Variants in GRIN2B observed in about 807,000 individuals in gnomAD.
GRIN2B encodes the protein glutamate receptor ionotropic, NMDA 2B.
GRIN2B carries 5 observed loss-of-function variants against 114.5 expected under a neutral mutation model. The ratio of observed to expected loss-of-function variants is 0.04; its 90% CI spans 0.02 to 0.09. GRIN2B has a LOEUF of 0.09. Among genes scored for constraint, GRIN2B ranks in the 10% least tolerant of loss-of-function variants. The pLI is 1.00. For synonymous variants in GRIN2B, 787 were observed against 745.1 expected (o/e 1.06, Z -0.92); for missense variants, 1,108 against 1,943.5 (o/e 0.57, Z 8.08).
chr12:13,824,846 A>C (rs1392206994), intron 3 of GRIN2B, among the ~76,000 whole-genome samples: 2 of 106,466 alleles, frequency 1.9e-5, no homozygotes, highest in Non-Finnish European at 3.9e-5. Context: ...ACAGAGCGAG[A>C]CTCCATTTCA....
intron 2 of GRIN2B, among the ~76,000 whole-genome samples, chr12:13,912,224 C>A (rs1866637422): frequency 6.6e-6 from 1 of 152,110 alleles, no homozygotes; most frequent in Non-Finnish European, 1.5e-5. Context: ...AATCTAAAAA[C>A]TCTGTGCAGT....
chr12:13,762,799 A>G (rs773047358), intron 3 of GRIN2B, among the ~76,000 whole-genome samples: 1 of 152,238 alleles, frequency 6.6e-6, no homozygotes, highest in African/African-American at 2.4e-5. Flanking sequence ...AATGTGGATC[A>G]GTCATGCTTG....
chr12:13,851,619 C>A (rs902632839), intron 3 of GRIN2B, among the ~76,000 whole-genome samples: 1 of 152,102 alleles, frequency 6.6e-6, no homozygotes, highest in African/African-American at 2.4e-5. Context: ...AATAAAATCT[C>A]CCCTGTTGAT....
rs185256268 is a variant in GRIN2B, at chr12:13,581,803, G to C, written c.2011-9839C>G. Among the ~76,000 whole-genome samples, 399 of 151,956 alleles carry C rather than the reference G, an allele frequency of 2.6e-3. 4 individuals are homozygous for C. Among genetic ancestry groups the C allele is most frequent in the African/African-American group, 9.1e-3 (379 of 41,430 alleles). On this transcript the variant is annotated intron_variant, in intron 10 of 13. Coordinates refer to ENST00000609686, the MANE Select transcript of GRIN2B (RefSeq NM_000834.5). The stretch of plus-strand genomic sequence containing the variant: ...CGCATGCCTGTAGTCCCAGCTACTC[G>C]GGAGGCTGAGGCAGGAGGATTGCTT...
intron 3 of GRIN2B, among the ~76,000 whole-genome samples, chr12:13,863,048 C>T (rs1225987555): frequency 1.3e-5 from 2 of 152,196 alleles, no homozygotes; most frequent in African/African-American, 4.8e-5. Context: ...TGCCCACCTA[C>T]CTCCTTATTT....
intron 3 of GRIN2B, among the ~76,000 whole-genome samples, chr12:13,763,447 G>A (rs981505946): frequency 3.9e-5 from 6 of 152,138 alleles, no homozygotes; most frequent in South Asian, 2.1e-4. Flanking sequence ...CGTGGATGAG[G>A]AGCCTTATTC....
At chr12:13,839,835 T>A (rs1865347796) in intron 3 of GRIN2B, among the ~76,000 whole-genome samples, 1 of 152,194 alleles carries the variant, frequency 6.6e-6, no homozygotes, top group Admixed American at 6.5e-5. Flanking sequence ...GCTTCTTTAG[T>A]GACTCATAAC....
chr12:13,611,040 G>A (rs375365498), intron 9 of GRIN2B, among the ~76,000 whole-genome samples: 216 of 152,238 alleles, frequency 1.4e-3, no homozygotes, highest in African/African-American at 4.9e-3. Flanking sequence ...AGGATCCCAT[G>A]GTCCCCTTTA....
intron 2 of GRIN2B, among the ~76,000 whole-genome samples, chr12:13,925,610 C>T (rs1379236482): frequency 6.6e-6 from 1 of 152,158 alleles, no homozygotes; most frequent in African/African-American, 2.4e-5. Context: ...TCACCTATGG[C>T]ATTAGCCTCA....
chr12:13,579,729 G>T (rs1948821675), intron 10 of GRIN2B, among the ~76,000 whole-genome samples: 1 of 152,224 alleles, frequency 6.6e-6, no homozygotes, highest in African/African-American at 2.4e-5. Flanking sequence ...AAGAGCTGAA[G>T]AGGCCCTGAG....
At chr12:13,743,756 C>T (rs763917403) in intron 4 of GRIN2B, among the ~76,000 whole-genome samples, 3 of 151,120 alleles carry the variant, frequency 2.0e-5, no homozygotes, top group Admixed American at 2.0e-4. Context: ...TTTAGTGAGA[C>T]GATATACAAG....
chr12:13,844,640 C>A (rs939437792), intron 3 of GRIN2B, among the ~76,000 whole-genome samples: 2 of 152,188 alleles, frequency 1.3e-5, no homozygotes, highest in African/African-American at 4.8e-5. Flanking sequence ...AGAAGACCTA[C>A]ATTCTAGTCC....
chr12:13,548,566 T>G lies in GRIN2B; in HGVS notation c.*14217A>C, dbSNP rs1029136624. The G allele has an allele frequency of 6.6e-6, 1 of 151,478 alleles. No homozygotes were observed. Among genetic ancestry groups the G allele is most frequent in the African/African-American group, 2.4e-5 (1 of 41,100 alleles). The allele number at this position is 151,478 out of a possible 1,614,324, so 9.4% of individuals were successfully genotyped here. A position where few individuals can be genotyped will look rare whatever the true frequency, so the allele number is the denominator to read the frequency against. ...AGATGCTCCAAATACTCATCAGCTGTTGGCCCTGTGACCTGTTTTTCAGGA... is the reference window on the plus strand; with the variant it reads ...AGATGCTCCAAATACTCATCAGCTGGTGGCCCTGTGACCTGTTTTTCAGGA... On this transcript the variant is annotated 3_prime_UTR_variant, in exon 14 of 14. Transcript: ENST00000609686.
chr12:13,911,762 C>T (rs573895205), intron 2 of GRIN2B, among the ~76,000 whole-genome samples: 81 of 152,288 alleles, frequency 5.3e-4, no homozygotes, highest in Middle Eastern at 3.4e-3. Flanking sequence ...AGGTGGATGA[C>T]CGCAGACACA....
intron 3 of GRIN2B, among the ~76,000 whole-genome samples, chr12:13,791,789 A>G (rs759391534): frequency 9.2e-5 from 14 of 152,176 alleles, no homozygotes; most frequent in Non-Finnish European, 1.6e-4. Context: ...TTTAATATTT[A>G]TCTCTTCTTT....
At position 13,927,985 on chromosome 12, in the gene GRIN2B, G is replaced by C. The variant is rs1445552277; in HGVS notation, c.-19+51943C>G. Among the ~76,000 whole-genome samples, 5 of 28,592 alleles carry C rather than the reference G, an allele frequency of 1.7e-4. No homozygotes were observed. In the East Asian group the frequency reaches 6.7e-3, roughly 38 times the overall value. 18.8% of individuals were successfully genotyped at this position (28,592 alleles called of 152,430 possible). A position where few individuals can be genotyped will look rare whatever the true frequency, so the allele number is the denominator to read the frequency against. Reference sequence around the variant, plus strand: ...CTGTCTCAAAAAAAAAAAAAAAAGGGGGGGTATGCTGTGGAAAGGATGATA... The same window carrying C: ...CTGTCTCAAAAAAAAAAAAAAAAGGCGGGGTATGCTGTGGAAAGGATGATA... On this transcript the variant is annotated intron_variant, in intron 2 of 13. Transcript: ENST00000609686.
chr12:13,898,032 G>T (rs1455756396), intron 2 of GRIN2B, among the ~76,000 whole-genome samples: 1 of 137,312 alleles, frequency 7.3e-6, no homozygotes. Context: ...AAATAAAAAA[G>T]AAAGGGCTAC....
At chr12:13,926,252 G>A (rs1866908692) in intron 2 of GRIN2B, among the ~76,000 whole-genome samples, 1 of 152,154 alleles carries the variant, frequency 6.6e-6, no homozygotes. Flanking sequence ...TCCAGCTTCA[G>A]CAACACACAC....
intron 3 of GRIN2B, among the ~76,000 whole-genome samples, chr12:13,848,044 C>G (rs1379557096): frequency 1.3e-5 from 2 of 152,168 alleles, no homozygotes; most frequent in East Asian, 3.8e-4. Flanking sequence ...TGACACCCTC[C>G]TCAAGCAGCT....
Sources: gnomAD v4.1 joint callset for allele counts (sites outside exome capture counted in the v4.1 genomes callset) on GRCh38, gnomAD v4.1.1 for gene constraint, MANE v1.5 for transcripts, NCBI Gene and HGNC (gene_info 2026-07-23, HGNC 2026-07-21) for gene names.